The following MGST1 variants were observed in gnomAD, a reference collection of about 807,000 sequenced individuals.
The protein encoded by MGST1 is glutathione S-transferase 12.
MGST1 carries 5 observed loss-of-function variants against 8.9 expected under a neutral mutation model. The ratio of observed to expected loss-of-function variants is 0.56; its 90% CI spans 0.29 to 1.19. MGST1 has a LOEUF of 1.19. Ranked by LOEUF, MGST1 falls within the 50% of genes most tolerant of loss-of-function variation. The probability of loss-of-function intolerance (pLI) is 0.08; values close to 1 mark genes in which losing one functional copy is unlikely to be tolerated. For synonymous variants in MGST1, 54 were observed against 67.8 expected (o/e 0.80, Z 1.00); for missense variants, 182 against 187.4 (o/e 0.97, Z 0.17).
At chr12:16,534,745 A>G (rs1941744251) in intron 4 of MGST1, among the ~76,000 whole-genome samples, 1 of 151,964 alleles carries the variant, frequency 6.6e-6, no homozygotes, top group Non-Finnish European at 1.5e-5. Context: ...AAGCAATGGG[A>G]AATGATAATG....
chr12:16,377,937 A>G (rs956326625), downstream of MGST1, among the ~76,000 whole-genome samples: 16 of 151,518 alleles, frequency 1.1e-4, no homozygotes, highest in South Asian at 2.1e-4. Flanking sequence ...GGCTGCATAA[A>G]TGTCTTCTTT....
intron 1 of MGST1, among the ~76,000 whole-genome samples, chr12:16,430,126 A>G (rs1289692492): frequency 3.3e-5 from 5 of 152,210 alleles, no homozygotes; most frequent in African/African-American, 1.2e-4. Context: ...CATCTGTAAG[A>G]AGCAACTTCT....
In MGST1 at chr12:16,586,038, T is replaced by C. The variant is rs1201439346; in HGVS notation, n.483-3490T>C. ...ATGTTTTTGCAGCTGTTAATGAAAA[T>C]CTTCAACACAGGAAAACAGCAAAAC... On this transcript the variant is annotated intron_variant and non_coding_transcript_variant, in intron 4 of 4. Coordinates refer to the MGST1 transcript ENST00000538857. The surrounding 1 kb of genome is among the most constrained non-coding windows in gnomAD (Gnocchi z 4.3). Among the ~76,000 whole-genome samples the C allele has an allele frequency of 2.6e-5, 4 of 152,042 alleles. No homozygotes were observed. The highest frequency in any genetic ancestry group is 7.2e-5 in the African/African-American group (3 of 41,410).
chr12:16,366,670 CACACACAT>C (rs1565440255), downstream of MGST1, among the ~76,000 whole-genome samples: 20 of 94,758 alleles, frequency 2.1e-4, no homozygotes, highest in East Asian at 6.4e-3. The surrounding 1 kb of genome is among the most constrained non-coding windows in gnomAD (Gnocchi z 4.0). Flanking sequence ...CACACATACA[CACACACAT>C]ACTACCATCA....
At chr12:16,377,990 G>A (rs1338232010), downstream of MGST1, among the ~76,000 whole-genome samples, 2 of 151,552 alleles carry the variant, frequency 1.3e-5, no homozygotes. Flanking sequence ...TTTTGATGGG[G>A]TTGTTTGTTT....
chr12:16,592,486 T>C (rs931361563), downstream of MGST1, among the ~76,000 whole-genome samples: 1 of 152,022 alleles, frequency 6.6e-6, no homozygotes, highest in Non-Finnish European at 1.5e-5. Flanking sequence ...ACAGTATAAG[T>C]GAGCATCTCA....
chr12:16,510,149 T>C (rs1021606686), intron 4 of MGST1, among the ~76,000 whole-genome samples: 2 of 152,218 alleles, frequency 1.3e-5, no homozygotes, highest in African/African-American at 4.8e-5. Flanking sequence ...GTCGTGCAGT[T>C]TGGAAGGCTC....
chr12:16,379,766 C>A (rs1262444751), downstream of MGST1, among the ~76,000 whole-genome samples: 2 of 152,180 alleles, frequency 1.3e-5, no homozygotes, highest in Non-Finnish European at 2.9e-5. Context: ...GGCTGTGGAT[C>A]CATCTGGTCC....
exon 2 of MGST1, chr12:16,438,739 G>T (rs149554152): frequency 6.6e-6 from 1 of 151,658 alleles, no homozygotes; most frequent in Non-Finnish European, 1.5e-5. Context: ...CTATAAACTC[G>T]ATTTTTGTGG....
At chr12:16,574,685 A>G (rs889134439) in intron 4 of MGST1, among the ~76,000 whole-genome samples, 3 of 152,284 alleles carry the variant, frequency 2.0e-5, no homozygotes, top group African/African-American at 4.8e-5. Flanking sequence ...CAAGACACAT[A>G]AAGAAGAAAA....
chr12:16,393,355 C>G (rs994061023), intron 1 of MGST1, among the ~76,000 whole-genome samples: 2 of 152,160 alleles, frequency 1.3e-5, no homozygotes, highest in African/African-American at 4.8e-5. Context: ...TTCCTCATTT[C>G]CAAAAGAGTA....
chr12:16,407,790 T>C (rs1039204878), intron 1 of MGST1, among the ~76,000 whole-genome samples: 3 of 151,946 alleles, frequency 2.0e-5, no homozygotes, highest in East Asian at 1.9e-4. Flanking sequence ...TCCCAGCACA[T>C]TGGGAGGCCA....
chr12:16,353,757 CT>C (rs11387725), intron 1 of MGST1, among the ~76,000 whole-genome samples: 10,009 of 111,212 alleles, frequency 0.09, 373 homozygotes, highest in East Asian at 0.22. Context: ...ATATTGCATA[CT>C]TTTTTTTTTT....
chr12:16,384,284 C>T (rs201117700), intron 1 of MGST1, among the ~76,000 whole-genome samples: 2 of 151,992 alleles, frequency 1.3e-5, no homozygotes, highest in East Asian at 3.9e-4. Context: ...TAAATGTGAC[C>T]TTTTGTGGAA....
intron 1 of MGST1, among the ~76,000 whole-genome samples, chr12:16,407,412 A>G (rs1447698480): frequency 6.6e-6 from 1 of 152,094 alleles, no homozygotes; most frequent in East Asian, 1.9e-4. Context: ...CCAAAAAATA[A>G]CAGATGCCGG....
At chr12:16,491,897 G>C (rs1941441280) in intron 4 of MGST1, among the ~76,000 whole-genome samples, 3 of 152,032 alleles carry the variant, frequency 2.0e-5, no homozygotes, top group Admixed American at 2.0e-4. Context: ...TTTCTGTAAG[G>C]CCACGTTAGT....
At chr12:16,571,937 G>A (rs1223018887) in intron 4 of MGST1, among the ~76,000 whole-genome samples, 1 of 151,838 alleles carries the variant, frequency 6.6e-6, no homozygotes, top group Non-Finnish European at 1.5e-5. Flanking sequence ...TTAAATTTGT[G>A]AATCCTTAAA....
intron 4 of MGST1, among the ~76,000 whole-genome samples, chr12:16,461,131 A>G (rs551364448): frequency 6.6e-6 from 1 of 151,210 alleles, no homozygotes; most frequent in Admixed American, 6.6e-5. Flanking sequence ...AGTTAAGAGG[A>G]TAATGGGTTA....
At chr12:16,509,821 A>G (rs1269049278) in intron 4 of MGST1, among the ~76,000 whole-genome samples, 6 of 152,156 alleles carry the variant, frequency 3.9e-5, no homozygotes, top group African/African-American at 1.4e-4. Context: ...TAGATTTCTC[A>G]ATTTGGATAC....
Sources: gnomAD v4.1 joint callset for allele counts (sites outside exome capture counted in the v4.1 genomes callset) on GRCh38, gnomAD v4.1.1 for gene constraint, Gnocchi (gnomAD v3.1) non-coding constraint, MANE v1.5 for transcripts, NCBI Gene and HGNC (gene_info 2026-07-23, HGNC 2026-07-21) for gene names.